Variants in IMMP2L observed in about 807,000 individuals in gnomAD.
The protein encoded by IMMP2L is inner mitochondrial membrane peptidase subunit 2, also known as mitochondrial inner membrane protease subunit 2.
Under a neutral mutation model 19.3 loss-of-function variants are expected in IMMP2L, and 18 were observed. The ratio of observed to expected loss-of-function variants is 0.93; its 90% CI spans 0.64 to 1.38. IMMP2L has a LOEUF of 1.38. IMMP2L is among the 40% of genes most tolerant of loss of function. The pLI is 0.00. For missense variants in IMMP2L, 233 were observed against 218.2 expected (o/e 1.07, Z -0.43); for synonymous variants, 76 against 73.0 (o/e 1.04, Z -0.21).
At chr7:110,733,830 C>T (rs748360375) in intron 5 of IMMP2L, among the ~76,000 whole-genome samples, 2 of 152,086 alleles carry the variant, frequency 1.3e-5, no homozygotes, top group Non-Finnish European at 2.9e-5. Context: ...GCAATGCATT[C>T]ATCCATTCCA....
At chr7:111,215,768 A>G (rs1164414863) in intron 3 of IMMP2L, among the ~76,000 whole-genome samples, 5 of 152,074 alleles carry the variant, frequency 3.3e-5, no homozygotes, top group Non-Finnish European at 7.4e-5. Flanking sequence ...CATTCTTTCT[A>G]ATATAAACCT....
chr7:110,743,966 G>A (rs763978360), intron 5 of IMMP2L, among the ~76,000 whole-genome samples: 1 of 152,094 alleles, frequency 6.6e-6, no homozygotes, highest in African/African-American at 2.4e-5. Context: ...AGTCTGGTTC[G>A]TCGGAGCCCA....
intron 3 of IMMP2L, among the ~76,000 whole-genome samples, chr7:111,063,543 T>C (rs1794218812): frequency 6.6e-6 from 1 of 152,172 alleles, no homozygotes; most frequent in South Asian, 2.1e-4. Flanking sequence ...GAAAATGGGA[T>C]TTTCTTTTCT....
chr7:110,691,840 C>T (rs146978741), intron 5 of IMMP2L, among the ~76,000 whole-genome samples: 5 of 152,226 alleles, frequency 3.3e-5, no homozygotes, highest in Non-Finnish European at 5.9e-5. Context: ...AAAGAGAATG[C>T]TTATCAACTG....
intron 5 of IMMP2L, among the ~76,000 whole-genome samples, chr7:110,743,509 T>C: frequency 6.6e-6 from 1 of 152,304 alleles, no homozygotes; most frequent in African/African-American, 2.4e-5. Flanking sequence ...GCTCTGGTCT[T>C]AGCAACAGCT....
At chr7:111,010,725 A>G (rs926429148) in intron 3 of IMMP2L, among the ~76,000 whole-genome samples, 30 of 152,102 alleles carry the variant, frequency 2.0e-4, no homozygotes, top group African/African-American at 6.8e-4. Context: ...CCATCCAGGT[A>G]CTTTGGAAGA....
chr7:110,843,401 G>A (rs999031885), intron 5 of IMMP2L, among the ~76,000 whole-genome samples: 1 of 152,082 alleles, frequency 6.6e-6, no homozygotes, highest in Admixed American at 6.6e-5. Flanking sequence ...TATGGAGGGG[G>A]CCAGTCAGTC....
At chr7:111,048,281 G>GA (rs1262849011) in intron 3 of IMMP2L, among the ~76,000 whole-genome samples, 2 of 121,656 alleles carry the variant, frequency 1.6e-5, no homozygotes, top group East Asian at 4.7e-4. Flanking sequence ...AAAGAAAAAA[G>GA]AAAAAAAGAA....
intron 3 of IMMP2L, among the ~76,000 whole-genome samples, chr7:111,476,362 C>G (rs1042255311): frequency 6.6e-6 from 1 of 152,116 alleles, no homozygotes; most frequent in Non-Finnish European, 1.5e-5. Context: ...ACTTAATAAT[C>G]TTTTGTAAAA....
At chr7:111,204,516 A>G (rs1810491996) in intron 3 of IMMP2L, among the ~76,000 whole-genome samples, 1 of 152,178 alleles carries the variant, frequency 6.6e-6, no homozygotes, top group Non-Finnish European at 1.5e-5. Flanking sequence ...ACATAAGCAT[A>G]AAGTAGCTAT....
intron 5 of IMMP2L, among the ~76,000 whole-genome samples, chr7:110,680,078 G>A (rs968206116): frequency 1.3e-5 from 2 of 152,166 alleles, no homozygotes; most frequent in East Asian, 3.9e-4. Flanking sequence ...CAGAGTTCAA[G>A]TTGCTGGCAA....
At chr7:111,538,383 G>A (rs1848089336) in intron 1 of IMMP2L, among the ~76,000 whole-genome samples, 1 of 152,050 alleles carries the variant, frequency 6.6e-6, no homozygotes, top group Non-Finnish European at 1.5e-5. Flanking sequence ...TGTGGTGTAT[G>A]TACACACAAA....
intron 5 of IMMP2L, among the ~76,000 whole-genome samples, chr7:110,681,124 G>C (rs1792688697): frequency 6.6e-6 from 1 of 151,824 alleles, no homozygotes; most frequent in African/African-American, 2.4e-5. Flanking sequence ...ACTGGTGAAA[G>C]AATAATGTTT....
intron 5 of IMMP2L, among the ~76,000 whole-genome samples, chr7:110,842,457 C>T (rs571773580): frequency 1.6e-4 from 25 of 152,144 alleles, no homozygotes; most frequent in Non-Finnish European, 3.2e-4. Context: ...ATATTCAACT[C>T]GGAAGGCCTG....
intron 4 of IMMP2L, among the ~76,000 whole-genome samples, chr7:110,910,597 G>C (rs1812953455): frequency 6.6e-6 from 1 of 152,134 alleles, no homozygotes; most frequent in Admixed American, 6.5e-5. Flanking sequence ...TTACATGTTA[G>C]TCACTGAGTC....
At chr7:111,224,805 G>A (rs1812902908) in intron 3 of IMMP2L, among the ~76,000 whole-genome samples, 1 of 152,078 alleles carries the variant, frequency 6.6e-6, no homozygotes, top group South Asian at 2.1e-4. Context: ...ATAAATCAAA[G>A]CCTTGGCACC....
At chr7:111,533,877 C>A (rs1847629715) in intron 1 of IMMP2L, among the ~76,000 whole-genome samples, 1 of 151,678 alleles carries the variant, frequency 6.6e-6, no homozygotes, top group Admixed American at 6.6e-5. Context: ...TCAAAACATA[C>A]CATAAATAAT....
At chr7:110,841,262 T>G (rs1419951828) in intron 5 of IMMP2L, among the ~76,000 whole-genome samples, 1 of 152,006 alleles carries the variant, frequency 6.6e-6, no homozygotes, top group African/African-American at 2.4e-5. Context: ...ATTTAACATA[T>G]CCATCATCTC....
intron 3 of IMMP2L, among the ~76,000 whole-genome samples, chr7:111,151,943 C>T (rs1049204177): frequency 1.3e-5 from 2 of 151,918 alleles, no homozygotes; most frequent in African/African-American, 4.8e-5. Context: ...CTCAAACAAA[C>T]GAACAAAATC....
Sources: allele counts gnomAD v4.1 joint callset (sites outside exome capture counted in the v4.1 genomes callset), GRCh38; gene constraint gnomAD v4.1.1; transcripts MANE v1.5; gene names NCBI Gene and HGNC (gene_info 2026-07-23, HGNC 2026-07-21).